CTNND2: variants seen among roughly 807,000 people sequenced by gnomAD.
CTNND2 encodes the protein catenin delta-2.
CTNND2 carries 22 observed loss-of-function variants against 144.4 expected under a neutral mutation model. The observed-to-expected ratio is 0.15, with a 90% CI of 0.11 to 0.22. The LOEUF (loss-of-function observed/expected upper bound fraction) is 0.22, where lower values mean the gene tolerates loss of function less well. Among genes scored for constraint, CTNND2 ranks in the 10% least tolerant of loss-of-function variants. CTNND2 has a pLI of 1.00. For synonymous variants in CTNND2, 751 were observed against 695.6 expected, an observed-to-expected ratio of 1.08 and a Z score of -1.25; for missense variants, 1,353 against 1,618.8, an observed-to-expected ratio of 0.84 and a Z score of 2.82.
At chr5:11,284,217 C>T (rs561157720) in intron 9 of CTNND2, among the ~76,000 whole-genome samples, 2 of 152,102 alleles carry the variant, frequency 1.3e-5, no homozygotes, top group African/African-American at 2.4e-5. Context: ...CTGTCAGTAC[C>T]GGGCTCCTGT....
rs1738293489 is a variant in CTNND2, at chr5:10,988,486, G to T, written c.3212-244C>A. Among the ~76,000 whole-genome samples the T allele has an allele frequency of 6.6e-6, 1 of 152,142 alleles. No individual in the cohort carries two copies. The highest frequency in any genetic ancestry group is 2.1e-4 in the South Asian group (1 of 4,820). On this transcript the variant is annotated intron_variant, in intron 19 of 21. Coordinates refer to ENST00000304623, the MANE Select transcript of CTNND2 (RefSeq NM_001332.4). The surrounding 1 kb of genome is among the most constrained non-coding windows in gnomAD (Gnocchi z 5.9). ...ATGTGATTTGGAGGCTGGCAACTGG[G>T]GACCACATCCTGGGGCCATCTTCCT... is the stretch of plus-strand genomic sequence containing the variant.
intron 3 of CTNND2, among the ~76,000 whole-genome samples, chr5:11,433,460 C>T (rs1197340835): frequency 6.6e-6 from 1 of 151,946 alleles, no homozygotes; most frequent in Non-Finnish European, 1.5e-5. Context: ...AAGGAAATAC[C>T]CGAGGCTGGG....
intron 10 of CTNND2, among the ~76,000 whole-genome samples, chr5:11,234,644 T>C (rs911364431): frequency 3.3e-5 from 5 of 152,332 alleles, no homozygotes; most frequent in South Asian, 2.1e-4. Flanking sequence ...TCAGGTGGCA[T>C]TGCCACTGAG....
chr5:11,441,975 A>C (rs1215384992), intron 3 of CTNND2, among the ~76,000 whole-genome samples: 2 of 152,154 alleles, frequency 1.3e-5, no homozygotes, highest in Non-Finnish European at 2.9e-5. Flanking sequence ...TTTTTTCCAA[A>C]CTTGTCAGAA....
At chr5:11,421,304 C>G (rs927723324) in intron 3 of CTNND2, among the ~76,000 whole-genome samples, 2 of 152,136 alleles carry the variant, frequency 1.3e-5, no homozygotes, top group Admixed American at 1.3e-4. Context: ...TCATGCCCAA[C>G]CCCTTCATTC....
chr5:11,433,107 G>A (rs1401713598), intron 3 of CTNND2, among the ~76,000 whole-genome samples: 1 of 152,178 alleles, frequency 6.6e-6, no homozygotes, highest in Non-Finnish European at 1.5e-5. Flanking sequence ...TTAGCTGGGT[G>A]TGGTGGCAGA....
intron 3 of CTNND2, among the ~76,000 whole-genome samples, chr5:11,473,124 A>G (rs775996728): frequency 7.9e-5 from 12 of 152,218 alleles, no homozygotes; most frequent in Non-Finnish European, 1.8e-4. Context: ...TTCTGTAGAA[A>G]ATACAAATCG....
At chr5:11,250,508 T>TAC (rs1273238285) in intron 9 of CTNND2, among the ~76,000 whole-genome samples, 1 of 88,004 alleles carries the variant, frequency 1.1e-5, no homozygotes, top group Non-Finnish European at 1.9e-5. Context: ...TATATATATA[T>TAC]ATATACATAT....
chr5:11,250,519 A>ATATATT (rs1554012681), intron 9 of CTNND2, among the ~76,000 whole-genome samples: 1 of 83,258 alleles, frequency 1.2e-5, no homozygotes, highest in African/African-American at 6.1e-5. Context: ...ATATACATAT[A>ATATATT]TTTTTTTTTT....
intron 1 of CTNND2, among the ~76,000 whole-genome samples, chr5:11,818,012 C>T (rs1185034991): frequency 1.0e-5 from 1 of 95,850 alleles, no homozygotes; most frequent in Admixed American, 1.4e-4. Flanking sequence ...TTTCAGTTCT[C>T]CTCCATCCAA....
At chr5:11,077,522 TTTA>T (rs1181784294) in intron 16 of CTNND2, among the ~76,000 whole-genome samples, 1 of 151,976 alleles carries the variant, frequency 6.6e-6, no homozygotes, top group Non-Finnish European at 1.5e-5. Flanking sequence ...CCTCAGAAAA[TTTA>T]TTAATTTCCA....
chr5:11,211,991 A>C (rs1738684154), intron 10 of CTNND2, among the ~76,000 whole-genome samples: 1 of 152,210 alleles, frequency 6.6e-6, no homozygotes, highest in Non-Finnish European at 1.5e-5. Flanking sequence ...AAACCGGTAA[A>C]AATTGTATAG....
chr5:11,877,156 T>A (rs1386734711), intron 1 of CTNND2, among the ~76,000 whole-genome samples: 4 of 152,162 alleles, frequency 2.6e-5, no homozygotes, highest in Admixed American at 2.6e-4. Context: ...CCTGGTTCAC[T>A]AAGAGATACT....
At chr5:11,642,952 T>C (rs1581655728) in intron 2 of CTNND2, among the ~76,000 whole-genome samples, 2 of 152,278 alleles carry the variant, frequency 1.3e-5, no homozygotes, top group East Asian at 3.9e-4. Context: ...TTGGGTCAGT[T>C]AGAAGTCTGT....
At chr5:11,265,443 C>T (rs1402744169) in intron 9 of CTNND2, among the ~76,000 whole-genome samples, 1 of 152,150 alleles carries the variant, frequency 6.6e-6, no homozygotes, top group African/African-American at 2.4e-5. Context: ...AACACAAGCC[C>T]TTCTTTTGCA....
intron 16 of CTNND2, among the ~76,000 whole-genome samples, chr5:11,032,972 G>A (rs1021242914): frequency 1.3e-5 from 2 of 152,174 alleles, no homozygotes; most frequent in African/African-American, 4.8e-5. Context: ...TGATGACACT[G>A]TACACATATA....
intron 1 of CTNND2, among the ~76,000 whole-genome samples, chr5:11,771,211 G>GTTTTTTTTTA (rs1302426806): frequency 8.0e-6 from 1 of 125,298 alleles, no homozygotes. Flanking sequence ...TTTTTTTTTG[G>GTTTTTTTTTA]GATGGAGTCT....
chr5:10,991,044 A>G (rs1407077530), intron 19 of CTNND2, among the ~76,000 whole-genome samples: 7 of 152,226 alleles, frequency 4.6e-5, no homozygotes, highest in Admixed American at 4.6e-4. Flanking sequence ...GAGGCCTAAG[A>G]GGCCACCTCC....
chr5:11,191,000 C>T (rs1004902989), intron 11 of CTNND2, among the ~76,000 whole-genome samples: 50 of 152,172 alleles, frequency 3.3e-4, no homozygotes, highest in African/African-American at 1.1e-3. Context: ...GAGAACTGAG[C>T]CTTCCTGAGA....
Sources: gnomAD v4.1 joint callset for allele counts (sites outside exome capture counted in the v4.1 genomes callset) on GRCh38, gnomAD v4.1.1 for gene constraint, Gnocchi (gnomAD v3.1) non-coding constraint, MANE v1.5 for transcripts, NCBI Gene and HGNC (gene_info 2026-07-23, HGNC 2026-07-21) for gene names.